Variants in TNFSF4 observed in about 807,000 individuals in gnomAD.
TNFSF4 encodes the protein TNF superfamily member 4, also known as tumor necrosis factor ligand superfamily member 4.
In TNFSF4, 4 loss-of-function variants were observed where a neutral mutation model predicts 7.3. The ratio of observed to expected loss-of-function variants is 0.55; its 90% CI spans 0.27 to 1.25. The LOEUF (loss-of-function observed/expected upper bound fraction) is 1.25. TNFSF4 is among the 50% of genes most tolerant of loss of function. TNFSF4 has a pLI of 0.12. For missense variants in TNFSF4, 181 were observed against 208.8 expected (o/e 0.87, Z 0.82); for synonymous variants, 76 against 83.7 (o/e 0.91, Z 0.50).
At chr1:173,411,712 G>A in the TNFSF4 span, among the ~76,000 whole-genome samples, 7 of 151,866 alleles carry the variant, frequency 4.6e-5, no homozygotes, top group Admixed American at 4.6e-4. Context: ...TGAAGCATGA[G>A]AATCACTTGA....
the TNFSF4 span, among the ~76,000 whole-genome samples, chr1:173,174,933 A>T: frequency 6.6e-6 from 1 of 152,246 alleles, no homozygotes; most frequent in Non-Finnish European, 1.5e-5. Context: ...AATGTAAAAA[A>T]TACCACTTAT....
chr1:173,364,718 G>T, the TNFSF4 span, among the ~76,000 whole-genome samples: 1 of 151,878 alleles, frequency 6.6e-6, no homozygotes, highest in African/African-American at 2.4e-5. Context: ...GTACTCTTTG[G>T]TCTCTCCCAC....
chr1:173,414,319 ATC>A, the TNFSF4 span, among the ~76,000 whole-genome samples: 1 of 152,126 alleles, frequency 6.6e-6, no homozygotes, highest in Non-Finnish European at 1.5e-5. Context: ...AGAGGAAAAG[ATC>A]TCTGGTATCT....
At chr1:173,181,493 G>A (rs1649055175), downstream of TNFSF4, among the ~76,000 whole-genome samples, 1 of 152,176 alleles carries the variant, frequency 6.6e-6, no homozygotes, top group African/African-American at 2.4e-5. Context: ...ACAAGGATAT[G>A]ATCAAAGTCA....
At chr1:173,239,806 G>A in the TNFSF4 span, among the ~76,000 whole-genome samples, 3 of 152,144 alleles carry the variant, frequency 2.0e-5, no homozygotes, top group Non-Finnish European at 4.4e-5. Flanking sequence ...TGAAGTAGGC[G>A]AATCACTTGA....
At chr1:173,283,901 C>T in the TNFSF4 span, among the ~76,000 whole-genome samples, 1 of 147,806 alleles carries the variant, frequency 6.8e-6, no homozygotes, top group African/African-American at 2.5e-5. Flanking sequence ...GCCTCTTGTG[C>T]CAAACGGTTG....
At chr1:173,424,059 C>T in the TNFSF4 span, among the ~76,000 whole-genome samples, 2 of 152,184 alleles carry the variant, frequency 1.3e-5, no homozygotes, top group East Asian at 3.8e-4. Context: ...AACAAACACT[C>T]CCTCAAGCTC....
chr1:173,414,698 T>C, the TNFSF4 span, among the ~76,000 whole-genome samples: 20 of 152,346 alleles, frequency 1.3e-4, no homozygotes, highest in Non-Finnish European at 1.0e-4. Flanking sequence ...AGTGTGACTG[T>C]CTGCCAGTCA....
the TNFSF4 span, among the ~76,000 whole-genome samples, chr1:173,284,733 AT>A: frequency 2.0e-5 from 3 of 152,196 alleles, no homozygotes; most frequent in Non-Finnish European, 4.4e-5. Flanking sequence ...CAAAGGCTGA[AT>A]GACAGCACAT....
chr1:173,346,474 A>G, the TNFSF4 span, among the ~76,000 whole-genome samples: 5 of 152,306 alleles, frequency 3.3e-5, no homozygotes, highest in South Asian at 4.1e-4. Flanking sequence ...TAATTGTTGC[A>G]TGTTCCCTAC....
At chr1:173,193,177 C>G (rs543170627) in intron 1 of TNFSF4, among the ~76,000 whole-genome samples, 2 of 152,122 alleles carry the variant, frequency 1.3e-5, no homozygotes, top group African/African-American at 4.8e-5. Flanking sequence ...GGTCTACCCC[C>G]ACACATAGAC....
At chr1:173,426,148 G>A in the TNFSF4 span, among the ~76,000 whole-genome samples, 1 of 152,174 alleles carries the variant, frequency 6.6e-6, no homozygotes, top group African/African-American at 2.4e-5. Flanking sequence ...CAACTCTAAC[G>A]TTCCTTCCTG....
At chr1:173,357,660 T>C in the TNFSF4 span, among the ~76,000 whole-genome samples, 3 of 152,046 alleles carry the variant, frequency 2.0e-5, no homozygotes, top group African/African-American at 4.8e-5. Flanking sequence ...GCCTCCCGAG[T>C]AGCTGGGATT....
the TNFSF4 span, among the ~76,000 whole-genome samples, chr1:173,242,324 C>T: frequency 9.2e-5 from 14 of 152,210 alleles, no homozygotes; most frequent in Admixed American, 2.6e-4. Flanking sequence ...ATGGGGGCCC[C>T]GAACCATTCA....
chr1:173,396,709 T>A, the TNFSF4 span, among the ~76,000 whole-genome samples: 1 of 152,152 alleles, frequency 6.6e-6, no homozygotes, highest in Non-Finnish European at 1.5e-5. Flanking sequence ...AATTTATATA[T>A]CACACCTGCA....
the TNFSF4 span, among the ~76,000 whole-genome samples, chr1:173,297,204 T>G: frequency 2.0e-5 from 3 of 152,010 alleles, no homozygotes; most frequent in African/African-American, 7.2e-5. Flanking sequence ...CAGGGCAGAC[T>G]TCCATGAGAA....
chr1:173,178,227 T>A, the TNFSF4 span, among the ~76,000 whole-genome samples: 97 of 152,318 alleles, frequency 6.4e-4, no homozygotes, highest in African/African-American at 2.2e-3. Context: ...GAGCTCTTTT[T>A]CTAATAGATC....
chr1:173,355,009 A>G, the TNFSF4 span, among the ~76,000 whole-genome samples: 1 of 152,204 alleles, frequency 6.6e-6, no homozygotes, highest in Non-Finnish European at 1.5e-5. Flanking sequence ...GCTAAAACCT[A>G]TGCGTAGTTG....
the TNFSF4 span, among the ~76,000 whole-genome samples, chr1:173,346,862 T>C: frequency 2.0e-5 from 3 of 151,962 alleles, no homozygotes; most frequent in Admixed American, 1.3e-4. Flanking sequence ...ACTAAAGAAA[T>C]TGCAAAAACA....
Sources: allele counts gnomAD v4.1 joint callset (sites outside exome capture counted in the v4.1 genomes callset), GRCh38; gene constraint gnomAD v4.1.1; transcripts MANE v1.5; gene names NCBI Gene and HGNC (gene_info 2026-07-23, HGNC 2026-07-21).